SPRED1: variants seen among roughly 807,000 people sequenced by gnomAD.
SPRED1 encodes the protein sprouty-related, EVH1 domain-containing protein 1.
In SPRED1, 18 loss-of-function variants were observed where a neutral mutation model predicts 52.3. The observed-to-expected ratio is 0.34, with a 90% CI of 0.24 to 0.51. The LOEUF is 0.51. Ranked by LOEUF, SPRED1 falls within the 20% of genes least tolerant of loss-of-function variation. SPRED1 has a pLI of 0.97. For missense variants in SPRED1, 485 were observed against 551.0 expected, an observed-to-expected ratio of 0.88 and a Z score of 1.20; for synonymous variants, 155 against 179.7, an observed-to-expected ratio of 0.86 and a Z score of 1.10.
intron 1 of SPRED1, among the ~76,000 whole-genome samples, chr15:38,274,262 G>A (rs1386407567): frequency 6.6e-6 from 1 of 152,170 alleles, no homozygotes; most frequent in Non-Finnish European, 1.5e-5. Flanking sequence ...TGTAGGACCA[G>A]TTAACAATTT....
chr15:38,290,269 T>A (rs1894894871), intron 1 of SPRED1, among the ~76,000 whole-genome samples: 2 of 152,122 alleles, frequency 1.3e-5, no homozygotes, highest in Non-Finnish European at 2.9e-5. Flanking sequence ...TCAATGCTAG[T>A]AATTAAGGAG....
At chr15:38,315,949 G>A (rs1351710140) in intron 2 of SPRED1, among the ~76,000 whole-genome samples, 1 of 152,000 alleles carries the variant, frequency 6.6e-6, no homozygotes, top group East Asian at 1.9e-4. Context: ...TGGATGGTGA[G>A]TGGTAGAGAC....
intron 2 of SPRED1, among the ~76,000 whole-genome samples, chr15:38,303,116 G>A (rs1011853471): frequency 8.6e-5 from 13 of 151,996 alleles, no homozygotes; most frequent in South Asian, 6.2e-4. Flanking sequence ...CCCGGGAGGC[G>A]TAGGTGGCAG....
chr15:38,334,982 A>C (rs552298454), intron 4 of SPRED1, among the ~76,000 whole-genome samples: 5 of 151,964 alleles, frequency 3.3e-5, no homozygotes, highest in Non-Finnish European at 7.4e-5. Flanking sequence ...GCCAACATTG[A>C]GTATTACTAC....
intron 4 of SPRED1, among the ~76,000 whole-genome samples, chr15:38,330,834 C>T (rs531298063): frequency 1.3e-5 from 2 of 151,992 alleles, no homozygotes; most frequent in African/African-American, 4.8e-5. Flanking sequence ...CTGTGATATC[C>T]CTTTTTTTCT....
chr15:38,257,372 T>G (rs996243483), intron 1 of SPRED1, among the ~76,000 whole-genome samples: 5 of 152,176 alleles, frequency 3.3e-5, no homozygotes, highest in African/African-American at 1.2e-4. Flanking sequence ...TTTCTCTGAA[T>G]TTATGCATTT....
chr15:38,332,069 G>A (rs1431131998), intron 4 of SPRED1, among the ~76,000 whole-genome samples: 1 of 152,070 alleles, frequency 6.6e-6, no homozygotes, highest in African/African-American at 2.4e-5. Flanking sequence ...AAAGGTCCAT[G>A]GAATGTTAAG....
chr15:38,283,135 G>A (rs1427661047), intron 1 of SPRED1, among the ~76,000 whole-genome samples: 11 of 152,102 alleles, frequency 7.2e-5, no homozygotes, highest in Admixed American at 1.3e-4. Context: ...AGGAGGCCAC[G>A]GGAAACTTAC....
At chr15:38,267,148 T>C (rs1384673505) in intron 1 of SPRED1, among the ~76,000 whole-genome samples, 1 of 152,210 alleles carries the variant, frequency 6.6e-6, no homozygotes, top group Non-Finnish European at 1.5e-5. Flanking sequence ...TTTGCTTGTG[T>C]ACATACACAT....
At chr15:38,345,916 A>G (rs1210207587) in intron 5 of SPRED1, among the ~76,000 whole-genome samples, 7 of 152,220 alleles carry the variant, frequency 4.6e-5, no homozygotes, top group Non-Finnish European at 1.0e-4. Context: ...GCATATGTTC[A>G]CTAGATCTGC....
intron 2 of SPRED1, among the ~76,000 whole-genome samples, chr15:38,313,613 A>G (rs12148411): frequency 0.13 from 19,178 of 150,952 alleles, 1,951 homozygotes; most frequent in East Asian, 0.54. Flanking sequence ...TATCCGTTAC[A>G]TTATATTATA....
chr15:38,266,410 T>G (rs1282147421), intron 1 of SPRED1, among the ~76,000 whole-genome samples: 1 of 151,990 alleles, frequency 6.6e-6, no homozygotes, highest in African/African-American at 2.4e-5. Flanking sequence ...GAGGCCGAGG[T>G]GGGCAGGTTG....
At chr15:38,279,758 G>C (rs1179705707) in intron 1 of SPRED1, among the ~76,000 whole-genome samples, 1 of 152,176 alleles carries the variant, frequency 6.6e-6, no homozygotes, top group Non-Finnish European at 1.5e-5. Context: ...ATTAGTGGTA[G>C]TAGTAGTAGT....
chr15:38,309,390 C>G (rs558545959), intron 2 of SPRED1, among the ~76,000 whole-genome samples: 2 of 152,366 alleles, frequency 1.3e-5, no homozygotes, highest in African/African-American at 4.8e-5. Context: ...ATCTGCCCGC[C>G]TTAGCCTCCC....
chr15:38,258,951 C>T (rs192597427), intron 1 of SPRED1, among the ~76,000 whole-genome samples: 2 of 152,214 alleles, frequency 1.3e-5, no homozygotes, highest in Admixed American at 1.3e-4. Flanking sequence ...CTGTAGGCCT[C>T]AGTTTGCTGA....
At chr15:38,256,705 A>C (rs1040594396) in intron 1 of SPRED1, among the ~76,000 whole-genome samples, 4 of 152,156 alleles carry the variant, frequency 2.6e-5, no homozygotes, top group Non-Finnish European at 4.4e-5. Flanking sequence ...TTTTATGGTT[A>C]TATCATTTAG....
chr15:38,287,183 C>T (rs1894829208), intron 1 of SPRED1, among the ~76,000 whole-genome samples: 1 of 152,138 alleles, frequency 6.6e-6, no homozygotes, highest in African/African-American at 2.4e-5. Context: ...CAACAGAGGT[C>T]AGAGTTTTAG....
Position 38,252,879 on chromosome 15 carries a change from G to A in SPRED1, c.-307G>A. 2.0e-6 allele frequency: 1 copy of A among 489,144 alleles called. No homozygotes were observed. The highest frequency in any genetic ancestry group is 2.1e-5 in the South Asian group (1 of 47,762). 30.3% of individuals were successfully genotyped at this position (489,144 alleles called of 1,614,324 possible). On this transcript the variant is annotated 5_prime_UTR_variant, in exon 1 of 7. Transcript: ENST00000299084. Reference sequence around the variant, plus strand: ...GGCTGGAGGAGCAGCTCTCCAGTCAGCCTTTGCAGCCCCTCTCTTTTTCCC... The same window carrying A: ...GGCTGGAGGAGCAGCTCTCCAGTCAACCTTTGCAGCCCCTCTCTTTTTCCC...
chr15:38,267,200 T>C (rs1240202538), intron 1 of SPRED1, among the ~76,000 whole-genome samples: 1 of 151,500 alleles, frequency 6.6e-6, no homozygotes, highest in East Asian at 1.9e-4. Flanking sequence ...ATACTTAATA[T>C]AAAGACTTAG....
Sources: gnomAD v4.1 joint callset for allele counts (sites outside exome capture counted in the v4.1 genomes callset) on GRCh38, gnomAD v4.1.1 for gene constraint, MANE v1.5 for transcripts, NCBI Gene and HGNC (gene_info 2026-07-23, HGNC 2026-07-21) for gene names.